The following DAPK1 variants were observed in gnomAD, a reference collection of about 807,000 sequenced individuals.
DAPK1 encodes death associated protein kinase 1, also known as death-associated protein kinase 1.
A neutral mutation model predicts 144.9 loss-of-function variants in DAPK1; 56 were observed. That is an observed-to-expected ratio of 0.39 (90% CI 0.31 to 0.48). The LOEUF (loss-of-function observed/expected upper bound fraction) is 0.48. Among genes scored for constraint, DAPK1 ranks in the 20% least tolerant of loss-of-function variants. DAPK1 has a pLI of 0.95. For synonymous variants in DAPK1, 690 were observed against 749.0 expected (o/e 0.92, Z 1.29); for missense variants, 1,454 against 1,875.4 (o/e 0.78, Z 4.15).
chr9:87,571,317 T>C (rs1175250263), intron 2 of DAPK1, among the ~76,000 whole-genome samples: 3 of 151,846 alleles, frequency 2.0e-5, no homozygotes, highest in Non-Finnish European at 4.4e-5. Context: ...TGTTTGCCTG[T>C]GAAATTGTAA....
At chr9:87,603,649 GATA>G (rs1422670439) in intron 2 of DAPK1, among the ~76,000 whole-genome samples, 4 of 152,122 alleles carry the variant, frequency 2.6e-5, no homozygotes, top group African/African-American at 9.7e-5. Flanking sequence ...AAATACCTGT[GATA>G]ATTCTTTACA....
At chr9:87,639,260 CTT>C (rs112724520) in intron 4 of DAPK1, 92 bp from the exon 5 acceptor site, 20,681 of 932,728 alleles carry the variant, frequency 0.022, no homozygotes, top group South Asian at 0.027. Context: ...ACTTTTTGGC[CTT>C]TTTTTTTTTT....
chr9:87,652,659 A>C (rs1340573588), intron 17 of DAPK1, among the ~76,000 whole-genome samples: 3 of 119,824 alleles, frequency 2.5e-5, no homozygotes, highest in Admixed American at 8.6e-5. Flanking sequence ...TTCTGTGTCC[A>C]TGCCCCCGAT....
chr9:87,571,464 CACACACACA>C (rs1827335076), intron 2 of DAPK1, among the ~76,000 whole-genome samples: 9 of 62,744 alleles, frequency 1.4e-4, no homozygotes, highest in South Asian at 5.7e-4. Context: ...CACACACACA[CACACACACA>C]CCAACACACA....
At chr9:87,602,071 A>T (rs567022451) in intron 2 of DAPK1, among the ~76,000 whole-genome samples, 6 of 152,224 alleles carry the variant, frequency 3.9e-5, no homozygotes, top group African/African-American at 1.4e-4. Context: ...GGTGCCCCTG[A>T]GGGGTATGGG....
Position 87,706,947 on chromosome 9 carries a change from A to T in DAPK1, c.3876A>T (p.Ser1292=), listed in dbSNP as rs36220448. The change falls in exon 26 of 26, where the codon TCA becomes TCT. Residue 1292 remains serine, a synonymous_variant. Coordinates refer to ENST00000408954, the MANE Select transcript of DAPK1 (RefSeq NM_004938.4). This position sits in a 1 kb window ranked among gnomAD's most constrained non-coding sequence, Gnocchi z 9.0. ...IMCFGCHDVY[S]QASLGMDIHA... The stretch of plus-strand genomic sequence containing the variant: ...GCTTCGGGTGTCACGACGTCTACTC[A>T]CAGGCCAGCCTCGGCATGGACATCC... 1.2e-6 allele frequency: 2 copies of T among 1,613,300 alleles called. No individual in the cohort carries two copies. Among genetic ancestry groups the T allele is most frequent in the African/African-American group, 1.3e-5 (1 of 74,902 alleles).
intron 3 of DAPK1, among the ~76,000 whole-genome samples, chr9:87,611,873 C>T (rs1828944195): frequency 6.6e-6 from 1 of 152,104 alleles, no homozygotes; most frequent in African/African-American, 2.4e-5. Flanking sequence ...CTGTGCTCCC[C>T]AAAAAGGATA....
chr9:87,517,150 C>A (rs760378444), intron 2 of DAPK1, among the ~76,000 whole-genome samples: 1 of 152,072 alleles, frequency 6.6e-6, no homozygotes, highest in South Asian at 2.1e-4. Flanking sequence ...CGATTGGGGG[C>A]AGGGGAGGAC....
chr9:87,663,112 G>T (rs36215052), intron 18 of DAPK1, among the ~76,000 whole-genome samples: 16,374 of 151,762 alleles, frequency 0.11, 1,192 homozygotes, highest in African/African-American at 0.2. Context: ...TCAGCCAGGG[G>T]GACCTGAACA....
intron 2 of DAPK1, among the ~76,000 whole-genome samples, chr9:87,505,452 G>C (rs942488356): frequency 6.6e-6 from 1 of 152,182 alleles, no homozygotes; most frequent in Non-Finnish European, 1.5e-5. Flanking sequence ...CTAGAGTGTA[G>C]TGGCGTGATC....
chr9:87,628,340 C>T (rs189469315), intron 3 of DAPK1, among the ~76,000 whole-genome samples: 253 of 152,294 alleles, frequency 1.7e-3, no homozygotes, highest in African/African-American at 5.7e-3. Context: ...TTAGGAACTT[C>T]GTTGATATGA....
chr9:87,503,668 A>C (rs147823166), intron 2 of DAPK1, among the ~76,000 whole-genome samples: 16 of 152,328 alleles, frequency 1.1e-4, no homozygotes, highest in African/African-American at 3.1e-4. Context: ...AACTTGAAAG[A>C]ATATGTATGT....
chr9:87,641,942 A>G, intron 9 of DAPK1, 27 bp from the exon 10 acceptor site: 1 of 1,577,488 alleles, frequency 6.3e-7, no homozygotes, highest in Non-Finnish European at 8.7e-7. Context: ...GAGAGCTTTA[A>G]TTTTTTTTCT....
chr9:87,535,679 A>C (rs1006488844), intron 2 of DAPK1, among the ~76,000 whole-genome samples: 1 of 152,204 alleles, frequency 6.6e-6, no homozygotes, highest in African/African-American at 2.4e-5. Context: ...AAGATCTCTT[A>C]GATTATGGTG....
chr9:87,622,829 A>G (rs1228334781), intron 3 of DAPK1, among the ~76,000 whole-genome samples: 1 of 152,078 alleles, frequency 6.6e-6, no homozygotes, highest in Non-Finnish European at 1.5e-5. Context: ...GAGAATTGCT[A>G]GAACCCGGGA....
intron 2 of DAPK1, among the ~76,000 whole-genome samples, chr9:87,582,639 C>T (rs1827792513): frequency 1.3e-5 from 2 of 151,678 alleles, no homozygotes; most frequent in Non-Finnish European, 2.9e-5. Context: ...ACTGCAACCT[C>T]CGCCTCCCAG....
chr9:87,550,462 C>A (rs902993304), intron 2 of DAPK1, among the ~76,000 whole-genome samples: 1 of 152,234 alleles, frequency 6.6e-6, no homozygotes, highest in East Asian at 1.9e-4. Context: ...TCTCTGCTAG[C>A]TCCTGGAAGT....
At chr9:87,596,054 G>A (rs1215297099) in intron 2 of DAPK1, among the ~76,000 whole-genome samples, 2 of 152,014 alleles carry the variant, frequency 1.3e-5, no homozygotes, top group Non-Finnish European at 2.9e-5. Context: ...TTCTTGAAGG[G>A]CAGAAAGAGA....
rs569816008 is a variant in DAPK1 at position 87,683,092 on chromosome 9, T to A, written c.2224+1466T>A. Among the ~76,000 whole-genome samples the A allele has an allele frequency of 1.0e-3, 152 of 149,586 alleles. 1 individual carries two copies. In the Middle Eastern group the frequency reaches 0.01, roughly 10 times the overall value. On this transcript the variant is annotated intron_variant, in intron 20 of 25. Transcript: ENST00000408954. ...AAAAAATTTATTTTATTTATTTTTT[T>A]TTTTTTTTGAGATGGAGTCTCGCTC... is the stretch of plus-strand genomic sequence containing the variant.
Sources: allele counts gnomAD v4.1 joint callset (sites outside exome capture counted in the v4.1 genomes callset), GRCh38; gene constraint gnomAD v4.1.1; non-coding constraint Gnocchi (gnomAD v3.1); transcripts MANE v1.5; gene names NCBI Gene and HGNC (gene_info 2026-07-23, HGNC 2026-07-21).